The following FNDC3B variants were observed in gnomAD, a reference collection of about 807,000 sequenced individuals.
FNDC3B encodes fibronectin type III domain containing 3B, also known as fibronectin type III domain-containing protein 3B.
A neutral mutation model predicts 151.5 loss-of-function variants in FNDC3B; 12 were observed. The observed-to-expected ratio is 0.08, with a 90% CI of 0.05 to 0.13. The LOEUF is 0.13. FNDC3B is among the 10% of genes least tolerant of loss of function. The probability of loss-of-function intolerance (pLI) is 1.00; values close to 1 mark genes in which losing one functional copy is unlikely to be tolerated. For synonymous variants in FNDC3B, 528 were observed against 549.0 expected (o/e 0.96, Z 0.54); for missense variants, 1,214 against 1,505.3 (o/e 0.81, Z 3.20).
At chr3:172,188,250 C>G (rs1039462645) in intron 3 of FNDC3B, among the ~76,000 whole-genome samples, 1 of 152,096 alleles carries the variant, frequency 6.6e-6, no homozygotes, top group African/African-American at 2.4e-5. Flanking sequence ...CTGCCTCGGC[C>G]TCCCAAAGTG....
At chr3:172,158,424 T>C (rs2108613347) in intron 3 of FNDC3B, among the ~76,000 whole-genome samples, 1 of 152,354 alleles carries the variant, frequency 6.6e-6, no homozygotes, top group African/African-American at 2.4e-5. Flanking sequence ...TTGAGCATCT[T>C]TCAATGTGCT....
intron 6 of FNDC3B, among the ~76,000 whole-genome samples, chr3:172,257,502 C>T (rs1728410650): frequency 6.6e-6 from 1 of 151,892 alleles, no homozygotes; most frequent in Non-Finnish European, 1.5e-5. Flanking sequence ...TCTTTTCAGG[C>T]AATCTTGTGT....
intron 3 of FNDC3B, among the ~76,000 whole-genome samples, chr3:172,209,199 G>C (rs915639757): frequency 1.3e-5 from 2 of 152,164 alleles, no homozygotes; most frequent in African/African-American, 4.8e-5. Flanking sequence ...TGGCTCCTGG[G>C]CTGGTCCAGC....
rs1715999026 is a variant in FNDC3B at position 172,040,814 on chromosome 3, C to G, written c.-29+1043C>G. 6.6e-6 allele frequency among the ~76,000 whole-genome samples: 1 copy of G among 152,002 alleles called. No homozygotes were observed. The highest frequency in any genetic ancestry group is 2.1e-4 in the South Asian group (1 of 4,826). ...CCTCGGGCTGTGCCCGCGAACTTTCCCAGAGGTCCGGGTCCCGGCGTCCCG... is the reference window on the plus strand; with the variant it reads ...CCTCGGGCTGTGCCCGCGAACTTTCGCAGAGGTCCGGGTCCCGGCGTCCCG... On this transcript the variant is annotated intron_variant, in intron 1 of 25. Coordinates refer to ENST00000415807, the MANE Select transcript of FNDC3B (RefSeq NM_022763.4). The surrounding 1 kb of genome is among the most constrained non-coding windows in gnomAD (Gnocchi z 6.6).
chr3:172,304,923 T>A (rs1731120635), intron 9 of FNDC3B, among the ~76,000 whole-genome samples: 1 of 151,004 alleles, frequency 6.6e-6, no homozygotes, highest in African/African-American at 2.4e-5. Flanking sequence ...AGCCAAGTGT[T>A]GCTAAAACCT....
chr3:172,393,234 A>T (rs2108394394), intron 25 of FNDC3B, among the ~76,000 whole-genome samples: 1 of 152,346 alleles, frequency 6.6e-6, no homozygotes, highest in African/African-American at 2.4e-5. Context: ...GAAAGCAGGG[A>T]TAGCTAAACT....
chr3:172,361,299 T>C (rs1734347763), intron 22 of FNDC3B, among the ~76,000 whole-genome samples: 1 of 152,230 alleles, frequency 6.6e-6, no homozygotes, highest in Non-Finnish European at 1.5e-5. Flanking sequence ...ATTTTCTAAA[T>C]TGTTACTCTC....
At chr3:172,240,671 T>G (rs1477697802) in intron 4 of FNDC3B, among the ~76,000 whole-genome samples, 1 of 152,206 alleles carries the variant, frequency 6.6e-6, no homozygotes, top group Non-Finnish European at 1.5e-5. Flanking sequence ...TTGGTTTTCT[T>G]CATCTAAAGC....
intron 1 of FNDC3B, among the ~76,000 whole-genome samples, chr3:172,106,681 G>C (rs1719661312): frequency 6.6e-6 from 1 of 152,198 alleles, no homozygotes; most frequent in Non-Finnish European, 1.5e-5. Flanking sequence ...TTGGCTTTAA[G>C]TTAGACATTC....
chr3:172,330,746 G>A, intron 13 of FNDC3B, 31 bp downstream of exon 13: 1 of 1,566,374 alleles, frequency 6.4e-7, no homozygotes, highest in East Asian at 2.3e-5. Context: ...ACTTCTCTGT[G>A]TTTTGTACGA....
intron 11 of FNDC3B, among the ~76,000 whole-genome samples, chr3:172,312,222 G>A (rs1031559877): frequency 6.6e-6 from 1 of 152,188 alleles, no homozygotes; most frequent in Non-Finnish European, 1.5e-5. Context: ...TCCCATCTGG[G>A]TTGCATCTGA....
chr3:172,196,377 G>A (rs2014048097), intron 3 of FNDC3B, among the ~76,000 whole-genome samples: 2 of 151,940 alleles, frequency 1.3e-5, no homozygotes, highest in South Asian at 4.2e-4. Context: ...GTAGGGATGG[G>A]GGTCTTGCTC....
rs1306727127 is a variant in FNDC3B at position 172,342,991 on chromosome 3, C to CT, written c.1972-19dup. 2.1e-6 allele frequency: 3 copies of CT among 1,460,632 alleles called. No homozygotes were observed. Among genetic ancestry groups the CT allele is most frequent in the Non-Finnish European group, 2.9e-6 (3 of 1,040,354 alleles). The allele number at this position is 1,460,632 out of a possible 1,614,324, so 90.5% of individuals were successfully genotyped here. On this transcript the variant is annotated intron_variant, in intron 17 of 25. Coordinates refer to ENST00000415807, the MANE Select transcript of FNDC3B (RefSeq NM_022763.4). ...TTCACAGTAACTAAGAGATGGTTCT[C>CT]TCTGGTGTTTCTCCTGCAGTGTTCT... is the stretch of plus-strand genomic sequence containing the variant.
At chr3:172,380,629 T>C (rs1436107748) in intron 24 of FNDC3B, among the ~76,000 whole-genome samples, 1 of 152,240 alleles carries the variant, frequency 6.6e-6, no homozygotes, top group Non-Finnish European at 1.5e-5. Flanking sequence ...TTACCTTGCC[T>C]GTTTTTGCAT....
chr3:172,317,677 C>T (rs575730059), intron 11 of FNDC3B, among the ~76,000 whole-genome samples: 4 of 152,278 alleles, frequency 2.6e-5, no homozygotes, highest in East Asian at 3.9e-4. Context: ...TTCAGTGTAA[C>T]GATTGTTCCA....
chr3:172,112,686 T>A, intron 2 of FNDC3B, 96 bp downstream of exon 2: 3 of 858,154 alleles, frequency 3.5e-6, no homozygotes, highest in Non-Finnish European at 6.0e-6. Context: ...GTTTGTGATT[T>A]CAAACCTTAG....
At chr3:172,366,402 A>G (rs755094777) in intron 23 of FNDC3B, among the ~76,000 whole-genome samples, 1 of 152,144 alleles carries the variant, frequency 6.6e-6, no homozygotes, top group Non-Finnish European at 1.5e-5. Context: ...CTTTGTCTAC[A>G]TTATTTAGTT....
chr3:172,189,162 A>G (rs779204405), intron 3 of FNDC3B, among the ~76,000 whole-genome samples: 1 of 152,198 alleles, frequency 6.6e-6, no homozygotes, highest in Non-Finnish European at 1.5e-5. Context: ...AATATTCACA[A>G]TTGTTTTTAA....
intron 2 of FNDC3B, among the ~76,000 whole-genome samples, 194 bp from the exon 3 acceptor site, chr3:172,133,277 T>C (rs1396243908): frequency 2.0e-5 from 3 of 152,242 alleles, no homozygotes; most frequent in Non-Finnish European, 4.4e-5. Flanking sequence ...CACAGGAGAA[T>C]TCACTTAGCT....
Sources: gnomAD v4.1 joint callset for allele counts (sites outside exome capture counted in the v4.1 genomes callset) on GRCh38, gnomAD v4.1.1 for gene constraint, Gnocchi (gnomAD v3.1) non-coding constraint, MANE v1.5 for transcripts, NCBI Gene and HGNC (gene_info 2026-07-23, HGNC 2026-07-21) for gene names.